Variants in HIP1 observed in about 807,000 individuals in gnomAD.
HIP1 encodes huntingtin interacting protein 1, also known as huntingtin-interacting protein 1.
Under a neutral mutation model 147.6 loss-of-function variants are expected in HIP1, and 65 were observed. That is an observed-to-expected ratio of 0.44 (90% CI 0.36 to 0.54). The LOEUF (loss-of-function observed/expected upper bound fraction) is 0.54, where lower values mean the gene tolerates loss of function less well. HIP1 is among the 20% of genes least tolerant of loss of function. The pLI, the probability that HIP1 is intolerant of heterozygous loss-of-function variation, is 0.00. For synonymous variants in HIP1, 479 were observed against 504.0 expected, an observed-to-expected ratio of 0.95 and a Z score of 0.67; for missense variants, 1,061 against 1,299.6, an observed-to-expected ratio of 0.82 and a Z score of 2.82.
chr7:75,555,483 C>T lies in HIP1; in HGVS notation c.1896G>A (p.Glu632=). The change falls in exon 19 of 31, where the codon GAG becomes GAA. Residue 632 remains glutamate, a synonymous_variant. Coordinates refer to ENST00000336926, the MANE Select transcript of HIP1 (RefSeq NM_005338.7). ...MLLVGSRKAA[E]QVIQDALNQL... ...GGTTCAGGGCGTCTTGTATCACCTG[C>T]TCCGCAGCCTTCCTGGACCCCACCA... 1 of 1,614,220 alleles carries T rather than the reference C, an allele frequency of 6.2e-7. No individual in the cohort carries two copies. The highest frequency in any genetic ancestry group is 8.5e-7 in the Non-Finnish European group (1 of 1,180,036).
chr7:75,726,790 C>G (rs1801663971), intron 1 of HIP1, among the ~76,000 whole-genome samples: 1 of 149,006 alleles, frequency 6.7e-6, no homozygotes, highest in Non-Finnish European at 1.5e-5. Flanking sequence ...TTCACTGCAA[C>G]CTCCGCCTCC....
At chr7:75,716,808 C>T (rs1801336193) in intron 1 of HIP1, among the ~76,000 whole-genome samples, 1 of 150,276 alleles carries the variant, frequency 6.7e-6, no homozygotes, top group East Asian at 2.0e-4. Context: ...CATAAACCAC[C>T]ACGCCCAGCT....
rs143183301 is a variant in HIP1 at position 75,613,085 on chromosome 7, T to TCACACA, written c.121-13844_121-13839dup. ...TACCACTGCACCACTCCAACTTGGG[T>TCACACA]CACACACACACACACACACACATGC... On this transcript the variant is annotated intron_variant, in intron 1 of 30. Transcript: ENST00000336926. Among the ~76,000 whole-genome samples the TCACACA allele has an allele frequency of 5.7e-3, 848 of 148,200 alleles. 9 individuals carry two copies. Among genetic ancestry groups the TCACACA allele is most frequent in the African/African-American group, 0.02 (798 of 40,524 alleles).
At chr7:75,730,303 A>AC (rs1801796957) in intron 1 of HIP1, among the ~76,000 whole-genome samples, 1 of 151,762 alleles carries the variant, frequency 6.6e-6, no homozygotes, top group South Asian at 2.1e-4. Flanking sequence ...ATAGCTATCA[A>AC]CCCCTGAAAG....
At chr7:75,708,819 G>T (rs1022226927) in intron 1 of HIP1, among the ~76,000 whole-genome samples, 5 of 151,936 alleles carry the variant, frequency 3.3e-5, no homozygotes, top group African/African-American at 1.2e-4. Flanking sequence ...TTCTTTTTCT[G>T]GATGGTTTTG....
At chr7:75,598,764 T>G (rs1329480538) in intron 2 of HIP1, among the ~76,000 whole-genome samples, 1 of 151,742 alleles carries the variant, frequency 6.6e-6, no homozygotes, top group African/African-American at 2.4e-5. Context: ...CCAGGCATAG[T>G]GGTGCACACC....
In HIP1 at chr7:75,537,593, G is replaced by C. The variant is rs148240151; in HGVS notation, c.*579C>G. ...GGAAATCCATGGCACTGCCCAAAGA[G>C]GGGGAGAATGGCTTTGGCATTCACA... On this transcript the variant is annotated 3_prime_UTR_variant, in exon 31 of 31. Transcript: ENST00000336926. 1.7e-5 allele frequency: 4 copies of C among 233,118 alleles called. No individual in the cohort carries two copies. The Admixed American group carries it at 2.3e-4, about 13-fold the overall frequency. 14.4% of individuals were successfully genotyped at this position (233,118 alleles called of 1,614,324 possible).
At chr7:75,733,375 A>T (rs1258484687) in intron 1 of HIP1, 1 of 152,090 alleles carries the variant, frequency 6.6e-6, no homozygotes, top group Non-Finnish European at 1.5e-5. Flanking sequence ...AGTACTCCTG[A>T]TAAGGTCTCC....
At chr7:75,549,828 C>T (rs1794714463) in intron 22 of HIP1, among the ~76,000 whole-genome samples, 1 of 129,964 alleles carries the variant, frequency 7.7e-6, no homozygotes, top group Non-Finnish European at 1.6e-5. Context: ...CACCACCAAG[C>T]CCGGATAATT....
intron 1 of HIP1, among the ~76,000 whole-genome samples, chr7:75,600,702 A>G (rs1457721139): frequency 1.3e-5 from 2 of 152,176 alleles, no homozygotes; most frequent in Non-Finnish European, 2.9e-5. Context: ...GTTTTCTTGA[A>G]TGTATCTCCC....
At chr7:75,576,840 A>G (rs1183752053) in intron 7 of HIP1, among the ~76,000 whole-genome samples, 2 of 152,216 alleles carry the variant, frequency 1.3e-5, no homozygotes, top group Admixed American at 6.5e-5. Context: ...GTGCTATCCA[A>G]TAGAATTCTA....
intron 27 of HIP1, 78 bp downstream of exon 27, chr7:75,544,617 A>C: frequency 1.2e-6 from 1 of 864,428 alleles, no homozygotes; most frequent in Non-Finnish European, 2.0e-6. Context: ...TGCCTAACGC[A>C]GCCAAGTACT....
At chr7:75,615,706 G>A (rs1157740311) in intron 1 of HIP1, among the ~76,000 whole-genome samples, 1 of 152,140 alleles carries the variant, frequency 6.6e-6, no homozygotes, top group Non-Finnish European at 1.5e-5. Flanking sequence ...CCAGGAGGTG[G>A]AGGTTGCAGT....
In HIP1 at chr7:75,719,725, C is replaced by T. The variant is rs113719438; in HGVS notation, c.120+19076G>A. ...ATGAGCCACCACGCCTGGCCCTCCA[C>T]GCTCTTTTAATGGATCTCTACTGAA... On this transcript the variant is annotated intron_variant, in intron 1 of 30. Transcript: ENST00000336926. 3.6e-3 allele frequency among the ~76,000 whole-genome samples: 555 copies of T among 152,102 alleles called. 2 individuals are homozygous for T. The highest frequency in any genetic ancestry group is 0.012 in the African/African-American group (497 of 41,512).
chr7:75,597,510 CAGG>C (rs2116998599), intron 2 of HIP1, among the ~76,000 whole-genome samples: 1 of 152,192 alleles, frequency 6.6e-6, no homozygotes, highest in Non-Finnish European at 1.5e-5. Flanking sequence ...GAGGCCAAGG[CAGG>C]AGGATTGCTT....
At chr7:75,698,899 A>G (rs1341400828) in intron 1 of HIP1, among the ~76,000 whole-genome samples, 2 of 152,128 alleles carry the variant, frequency 1.3e-5, no homozygotes, top group Non-Finnish European at 2.9e-5. Flanking sequence ...GTAGGTAAAA[A>G]TAAAACACTT....
Position 75,556,815 on chromosome 7 carries a change from A to C in HIP1, c.1582-4T>G, listed in dbSNP as rs372917389. The stretch of plus-strand genomic sequence containing the variant: ...GAACTTCCAGCTGTTCTTGAGTCTG[A>C]AAGAGAAGAAAAACAGAGGGACTCT... On this transcript the variant is annotated splice_polypyrimidine_tract_variant and splice_region_variant and intron_variant, in intron 16 of 30. Transcript: ENST00000336926. 6.5e-5 allele frequency: 103 copies of C among 1,580,070 alleles called. No individual in the cohort carries two copies. In the African/African-American group the frequency reaches 1.3e-3, roughly 20 times the overall value.
intron 1 of HIP1, among the ~76,000 whole-genome samples, chr7:75,608,152 C>A (rs761600250): frequency 2.6e-4 from 39 of 152,086 alleles, no homozygotes; most frequent in Non-Finnish European, 5.1e-4. Context: ...TAAAAACACA[C>A]AAAAAATTAG....
intron 2 of HIP1, among the ~76,000 whole-genome samples, chr7:75,593,491 G>A (rs1796573565): frequency 6.6e-6 from 1 of 152,076 alleles, no homozygotes; most frequent in Admixed American, 6.6e-5. Context: ...TTAGCTGGGC[G>A]TGGCGGTGGG....
Sources: gnomAD v4.1 joint callset for allele counts (sites outside exome capture counted in the v4.1 genomes callset) on GRCh38, gnomAD v4.1.1 for gene constraint, MANE v1.5 for transcripts, NCBI Gene and HGNC (gene_info 2026-07-23, HGNC 2026-07-21) for gene names.